Variants in CADM2 observed in about 807,000 individuals in gnomAD.
The protein encoded by CADM2 is immunoglobulin superfamily member 4D.
Under a neutral mutation model 49.8 loss-of-function variants are expected in CADM2, and 12 were observed. The ratio of observed to expected loss-of-function variants is 0.24; its 90% CI spans 0.15 to 0.39. CADM2 has a LOEUF of 0.39. Among genes scored for constraint, CADM2 ranks in the 10% least tolerant of loss-of-function variants. The probability of loss-of-function intolerance (pLI) is 1.00; values close to 1 mark genes in which losing one functional copy is unlikely to be tolerated. For synonymous variants in CADM2, 214 were observed against 175.4 expected, an observed-to-expected ratio of 1.22 and a Z score of -1.74; for missense variants, 378 against 492.3, an observed-to-expected ratio of 0.77 and a Z score of 2.20.
chr3:85,986,634 T>G (rs1468761756), intron 8 of CADM2, among the ~76,000 whole-genome samples: 1 of 152,058 alleles, frequency 6.6e-6, no homozygotes. Flanking sequence ...ATTTCTATGT[T>G]TAGGGTACAA....
At chr3:85,692,749 A>C (rs1168409252) in intron 1 of CADM2, among the ~76,000 whole-genome samples, 1 of 152,180 alleles carries the variant, frequency 6.6e-6, no homozygotes, top group Non-Finnish European at 1.5e-5. Context: ...CAAAGACTAG[A>C]GGTCATTATA....
chr3:85,048,296 G>A (rs1559634176), intron 1 of CADM2, among the ~76,000 whole-genome samples: 1 of 152,112 alleles, frequency 6.6e-6, no homozygotes, highest in African/African-American at 2.4e-5. Flanking sequence ...ATAGAGGAAG[G>A]TATTACAGAC....
intron 1 of CADM2, among the ~76,000 whole-genome samples, chr3:85,292,559 T>A (rs2043831258): frequency 6.6e-6 from 1 of 151,902 alleles, no homozygotes. Flanking sequence ...CCTCAGCAAA[T>A]GTAAAAGAAC....
chr3:85,118,762 TA>T (rs1432432751), intron 1 of CADM2, among the ~76,000 whole-genome samples: 2 of 152,206 alleles, frequency 1.3e-5, no homozygotes, highest in Non-Finnish European at 2.9e-5. Flanking sequence ...TTTACTTATT[TA>T]TTTGAGACAA....
intron 1 of CADM2, among the ~76,000 whole-genome samples, chr3:85,609,342 T>G (rs2107442748): frequency 6.6e-6 from 1 of 152,284 alleles, no homozygotes; most frequent in Admixed American, 6.5e-5. Flanking sequence ...TATATTTGAC[T>G]TTATATCTTG....
intron 8 of CADM2, chr3:86,013,703 C>G: frequency 6.3e-7 from 1 of 1,599,356 alleles, no homozygotes; most frequent in Non-Finnish European, 8.5e-7. Flanking sequence ...AATCTCATAG[C>G]CTAAGAGAGG....
intron 1 of CADM2, among the ~76,000 whole-genome samples, chr3:85,619,420 A>G (rs11923343): frequency 0.53 from 80,382 of 151,686 alleles, 23,893 homozygotes; most frequent in East Asian, 0.82. Context: ...ATTATTTCTA[A>G]TCAACTGTAG....
intron 1 of CADM2, among the ~76,000 whole-genome samples, chr3:85,702,718 C>T (rs1343946885): frequency 6.6e-6 from 1 of 152,082 alleles, no homozygotes; most frequent in Non-Finnish European, 1.5e-5. Flanking sequence ...TTCTTGAAAT[C>T]TCCCGAAGAG....
chr3:85,074,528 A>G (rs745649069), intron 1 of CADM2, among the ~76,000 whole-genome samples: 6 of 152,176 alleles, frequency 3.9e-5, no homozygotes, highest in Admixed American at 6.5e-5. Flanking sequence ...ACTTTATTTC[A>G]CTGACATATA....
intron 8 of CADM2, among the ~76,000 whole-genome samples, chr3:85,995,972 C>G (rs534657769): frequency 6.6e-6 from 1 of 151,778 alleles, no homozygotes; most frequent in South Asian, 2.1e-4. Flanking sequence ...CGCCTGTAGT[C>G]CCAGCTACTC....
At chr3:85,104,124 T>A (rs1311235015) in intron 1 of CADM2, among the ~76,000 whole-genome samples, 5 of 151,880 alleles carry the variant, frequency 3.3e-5, no homozygotes, top group African/African-American at 1.2e-4. Context: ...TCCTTGCCCA[T>A]GCCTATGTCC....
At chr3:85,876,493 G>A (rs13320560) in intron 3 of CADM2, among the ~76,000 whole-genome samples, 25,760 of 151,892 alleles carry the variant, frequency 0.17, 2,206 homozygotes, top group East Asian at 0.2. Flanking sequence ...TCCCAGTTTG[G>A]GAAAGTTTCA....
rs149349267 is a variant in CADM2, at chr3:85,785,124, T to C, written c.89-16923T>C. 3.3e-5 allele frequency among the ~76,000 whole-genome samples: 5 copies of C among 152,320 alleles called. No homozygotes were observed. In the East Asian group the frequency reaches 7.7e-4, roughly 23 times the overall value. On this transcript the variant is annotated intron_variant, in intron 2 of 9. Transcript: ENST00000383699. ...CTTTGAATTTCTGTAGTATTAGTTG[T>C]AATGTATCATTTTTCATCTCTGATT...
At chr3:85,923,725 G>A (rs1315249713) in intron 6 of CADM2, among the ~76,000 whole-genome samples, 1 of 152,096 alleles carries the variant, frequency 6.6e-6, no homozygotes, top group Non-Finnish European at 1.5e-5. Flanking sequence ...CCCCAGCATT[G>A]TCCAATATAA....
chr3:85,883,584 A>G (rs955698210), intron 4 of CADM2, 141 bp downstream of exon 4: 2 of 709,860 alleles, frequency 2.8e-6, no homozygotes, highest in African/African-American at 3.7e-5. Flanking sequence ...ACATTTTAAC[A>G]CAGGCGTTTT....
At chr3:85,978,554 G>A in intron 8 of CADM2, among the ~76,000 whole-genome samples, 1 of 151,532 alleles carries the variant, frequency 6.6e-6, no homozygotes, top group East Asian at 1.9e-4. Flanking sequence ...ACCAGGGTAA[G>A]AATTGCAAGA....
intron 5 of CADM2, among the ~76,000 whole-genome samples, chr3:85,897,768 A>C (rs919791549): frequency 2.6e-5 from 4 of 152,150 alleles, no homozygotes; most frequent in African/African-American, 9.7e-5. Context: ...CAGTTGTATA[A>C]AACTTTAATT....
intron 3 of CADM2, among the ~76,000 whole-genome samples, chr3:85,868,351 G>A (rs1213765545): frequency 4.0e-5 from 6 of 151,794 alleles, no homozygotes; most frequent in African/African-American, 9.7e-5. Flanking sequence ...TTATACTTTT[G>A]CATTATTATA....
chr3:85,197,932 A>C (rs916027855), intron 1 of CADM2, among the ~76,000 whole-genome samples: 3 of 151,846 alleles, frequency 2.0e-5, no homozygotes, highest in African/African-American at 4.8e-5. Flanking sequence ...TTTTGTCTTC[A>C]AGTCAGGTTG....
Sources: gnomAD v4.1 joint callset for allele counts (sites outside exome capture counted in the v4.1 genomes callset) on GRCh38, gnomAD v4.1.1 for gene constraint, MANE v1.5 for transcripts, NCBI Gene and HGNC (gene_info 2026-07-23, HGNC 2026-07-21) for gene names.